The following CSMD1 variants were observed in gnomAD, a reference collection of about 807,000 sequenced individuals.
The protein encoded by CSMD1 is CUB and Sushi multiple domains 1, also known as CUB and sushi domain-containing protein 1.
A neutral mutation model predicts 417.5 loss-of-function variants in CSMD1; 213 were observed. That is an observed-to-expected ratio of 0.51 (90% confidence interval 0.46 to 0.57). The LOEUF is 0.57. Among genes scored for constraint, CSMD1 ranks in the 20% least tolerant of loss-of-function variants. The pLI is 0.00. For synonymous variants in CSMD1, 2,862 were observed against 1,736.8 expected, an observed-to-expected ratio of 1.65 and a Z score of -16.11; for missense variants, 6,923 against 4,529.7, an observed-to-expected ratio of 1.53 and a Z score of -15.17.
intron 1 of CSMD1, among the ~76,000 whole-genome samples, chr8:4,782,895 G>C (rs1407306783): frequency 1.3e-5 from 2 of 150,454 alleles, no homozygotes; most frequent in African/African-American, 4.9e-5. Flanking sequence ...ATGTTTTTTG[G>C]AGGCAGAAAA....
intron 5 of CSMD1, among the ~76,000 whole-genome samples, chr8:3,856,807 C>T (rs1473673761): frequency 1.3e-5 from 2 of 152,140 alleles, no homozygotes; most frequent in Non-Finnish European, 2.9e-5. Flanking sequence ...AGGCTACTCC[C>T]TCAGGCTGGG....
At chr8:3,348,866 G>A (rs1235777842) in intron 21 of CSMD1, among the ~76,000 whole-genome samples, 1 of 152,188 alleles carries the variant, frequency 6.6e-6, no homozygotes, top group Non-Finnish European at 1.5e-5. Context: ...CCTGGAGAAA[G>A]TCACTTAACC....
At position 3,406,009 on chromosome 8, in the gene CSMD1, G is replaced by C. The variant is rs377089844; in HGVS notation, c.2266+18C>G. On this transcript the variant is annotated intron_variant, in intron 15 of 69. Transcript: ENST00000635120. ...TGTGATTTCAAAGGAGAAGAGCGGGGGGTGGCAGGGACTGCACCTTCACAG... is the reference window on the plus strand; with the variant it reads ...TGTGATTTCAAAGGAGAAGAGCGGGCGGTGGCAGGGACTGCACCTTCACAG... The C allele has an allele frequency of 6.2e-7, 1 of 1,609,634 alleles. No homozygotes were observed. The highest frequency in any genetic ancestry group is 2.2e-5 in the East Asian group (1 of 44,854).
At chr8:3,682,256 C>G (rs1194614578) in intron 7 of CSMD1, among the ~76,000 whole-genome samples, 1 of 152,048 alleles carries the variant, frequency 6.6e-6, no homozygotes, top group African/African-American at 2.4e-5. Flanking sequence ...GAACAGGCAA[C>G]CTAAAAAATG....
intron 4 of CSMD1, among the ~76,000 whole-genome samples, chr8:4,000,574 T>C (rs548921200): frequency 5.3e-4 from 81 of 152,336 alleles, no homozygotes; most frequent in African/African-American, 1.7e-3. Flanking sequence ...ATACTCTACG[T>C]TGTTTTTCTT....
At chr8:4,093,356 A>C (rs1800820533) in intron 3 of CSMD1, among the ~76,000 whole-genome samples, 1 of 152,212 alleles carries the variant, frequency 6.6e-6, no homozygotes, top group African/African-American at 2.4e-5. Flanking sequence ...AGAATAATGA[A>C]AGTTAAATTT....
chr8:4,103,832 A>G (rs971935695), intron 3 of CSMD1, among the ~76,000 whole-genome samples: 1 of 152,200 alleles, frequency 6.6e-6, no homozygotes, highest in Non-Finnish European at 1.5e-5. Flanking sequence ...TCTTCATAAA[A>G]TGCTCTAACT....
At chr8:4,745,033 C>A (rs911832088) in intron 1 of CSMD1, among the ~76,000 whole-genome samples, 1 of 152,044 alleles carries the variant, frequency 6.6e-6, no homozygotes, top group Admixed American at 6.6e-5. Context: ...TTAAATTGAA[C>A]TAATATATAT....
chr8:3,387,924 T>A (rs1430189467), intron 17 of CSMD1, among the ~76,000 whole-genome samples: 2 of 152,210 alleles, frequency 1.3e-5, no homozygotes, highest in Non-Finnish European at 2.9e-5. Flanking sequence ...ACAACAACCT[T>A]GAATAATTAA....
At chr8:4,322,290 A>G (rs147275006) in intron 3 of CSMD1, among the ~76,000 whole-genome samples, 2,573 of 152,150 alleles carry the variant, frequency 0.017, 41 homozygotes, top group Middle Eastern at 0.086. Context: ...CCTGAATTCA[A>G]TTTCATGTTA....
intron 3 of CSMD1, among the ~76,000 whole-genome samples, chr8:4,056,027 C>G (rs1421064664): frequency 2.0e-5 from 3 of 150,420 alleles, no homozygotes; most frequent in African/African-American, 7.3e-5. Flanking sequence ...AGATTTCCTC[C>G]TGGGAAAATT....
intron 1 of CSMD1, among the ~76,000 whole-genome samples, chr8:4,878,235 G>C (rs947723063): frequency 2.6e-5 from 4 of 151,950 alleles, no homozygotes; most frequent in Non-Finnish European, 5.9e-5. Flanking sequence ...GAAAAGAAAG[G>C]GTCAGGGAAG....
intron 10 of CSMD1, among the ~76,000 whole-genome samples, chr8:3,566,185 G>A (rs543896224): frequency 6.6e-6 from 1 of 151,918 alleles, no homozygotes; most frequent in African/African-American, 2.4e-5. Flanking sequence ...AAAGGAAAGG[G>A]GAGAAAAGAC....
rs188862970 is a variant in CSMD1 at position 4,264,689 on chromosome 8, G to A, written c.415+155264C>T. On this transcript the variant is annotated intron_variant, in intron 3 of 69. Coordinates refer to ENST00000635120, the MANE Select transcript of CSMD1 (RefSeq NM_033225.6). Reference sequence around the variant, plus strand: ...CGAGGTGGTCATCCCCAGAATAAGGGGAACAGGGCCTTAAAACAAACACTG... The same window carrying A: ...CGAGGTGGTCATCCCCAGAATAAGGAGAACAGGGCCTTAAAACAAACACTG... Among the ~76,000 whole-genome samples the A allele has an allele frequency of 6.2e-3, 950 of 152,232 alleles. 4 individuals carry two copies. The highest frequency in any genetic ancestry group is 0.01 in the Non-Finnish European group (700 of 68,020).
intron 5 of CSMD1, among the ~76,000 whole-genome samples, chr8:3,963,677 G>A (rs1242752456): frequency 1.3e-5 from 2 of 152,150 alleles, no homozygotes; most frequent in Non-Finnish European, 2.9e-5. Flanking sequence ...TTGTATGTGT[G>A]TAAGTGAATA....
At chr8:4,198,531 G>T (rs141421635) in intron 3 of CSMD1, among the ~76,000 whole-genome samples, 2 of 152,140 alleles carry the variant, frequency 1.3e-5, no homozygotes, top group African/African-American at 2.4e-5. Flanking sequence ...GGATGAGAAA[G>T]AAAGTGTCTA....
At chr8:3,647,146 G>A (rs933470586) in intron 7 of CSMD1, among the ~76,000 whole-genome samples, 1 of 152,136 alleles carries the variant, frequency 6.6e-6, no homozygotes, top group Non-Finnish European at 1.5e-5. Context: ...TAAGCTTGTA[G>A]GGGTGGATGG....
intron 23 of CSMD1, among the ~76,000 whole-genome samples, chr8:3,331,237 C>CAAAAAAAAAAAAAAAAAAAAAA (rs112278319): frequency 3.9e-5 from 5 of 128,522 alleles, no homozygotes; most frequent in African/African-American, 1.6e-4. Flanking sequence ...GACTCCGTCT[C>CAAAAAAAAAAAAAAAAAAAAAA]AAAAAAAAAA....
In CSMD1 at chr8:4,100,523, T is replaced by C. The variant is rs576404531; in HGVS notation, c.416-68424A>G. Among the ~76,000 whole-genome samples the C allele has an allele frequency of 4.1e-4, 63 of 152,342 alleles. 1 individual carries two copies. Among genetic ancestry groups the C allele is most frequent in the Middle Eastern group, 6.8e-3 (2 of 294 alleles). On this transcript the variant is annotated intron_variant, in intron 3 of 69. Transcript: ENST00000635120. ...CTATAAAATGGATTAAAAATGGGTATCTTATAGAAGTGTTGAAGGATCAAA... is the reference window on the plus strand; with the variant it reads ...CTATAAAATGGATTAAAAATGGGTACCTTATAGAAGTGTTGAAGGATCAAA...
Sources: allele counts gnomAD v4.1 joint callset (sites outside exome capture counted in the v4.1 genomes callset), GRCh38; gene constraint gnomAD v4.1.1; transcripts MANE v1.5; gene names NCBI Gene and HGNC (gene_info 2026-07-23, HGNC 2026-07-21).